The following GALNTL6 variants were observed in gnomAD, a reference collection of about 807,000 sequenced individuals.
GALNTL6 encodes polypeptide N-acetylgalactosaminyltransferase-like 6.
Under a neutral mutation model 73.7 loss-of-function variants are expected in GALNTL6, and 46 were observed. That is an observed-to-expected ratio of 0.62 (90% CI 0.49 to 0.80). The LOEUF is 0.80. Ranked by LOEUF, GALNTL6 falls within the 30% of genes least tolerant of loss-of-function variation. The pLI, the probability that GALNTL6 is intolerant of heterozygous loss-of-function variation, is 0.00. For missense variants in GALNTL6, 604 were observed against 755.0 expected (o/e 0.80, Z 2.34); for synonymous variants, 259 against 263.7 (o/e 0.98, Z 0.17).
chr4:172,723,012 G>A (rs1214662773), intron 5 of GALNTL6, among the ~76,000 whole-genome samples: 1 of 152,118 alleles, frequency 6.6e-6, no homozygotes, highest in Non-Finnish European at 1.5e-5. Context: ...GGCTTAGGAG[G>A]ATAATCCATT....
rs374940937 is a variant in GALNTL6 at position 171,992,646 on chromosome 4, T to G, written c.138+177928T>G. 1.5e-3 allele frequency among the ~76,000 whole-genome samples: 231 copies of G among 152,200 alleles called. 2 individuals are homozygous for G. The South Asian group carries it at 0.016, about 11-fold the overall frequency. ...CAAAAGTGATTTCTCAAAAGACAAC[T>G]GCTATATTTTAAAAAATAAAATCTT... On this transcript the variant is annotated intron_variant, in intron 2 of 12. Coordinates refer to ENST00000506823, the MANE Select transcript of GALNTL6 (RefSeq NM_001034845.3).
chr4:172,428,101 A>G (rs1731296405), intron 5 of GALNTL6, among the ~76,000 whole-genome samples: 2 of 152,170 alleles, frequency 1.3e-5, no homozygotes, highest in South Asian at 4.1e-4. Flanking sequence ...AGCATACATC[A>G]TTTATGATGT....
intron 2 of GALNTL6, among the ~76,000 whole-genome samples, chr4:171,881,119 T>C (rs914618565): frequency 2.6e-5 from 4 of 152,160 alleles, no homozygotes; most frequent in African/African-American, 7.2e-5. Context: ...CTGATGCCCC[T>C]AGCCTTGCAA....
chr4:172,253,972 A>G (rs1249155071), intron 3 of GALNTL6, among the ~76,000 whole-genome samples: 1 of 151,850 alleles, frequency 6.6e-6, no homozygotes, highest in African/African-American at 2.4e-5. Context: ...ACTAATGGGC[A>G]CTAAAATATG....
At chr4:172,950,830 G>A (rs535434262) in intron 9 of GALNTL6, among the ~76,000 whole-genome samples, 2 of 152,152 alleles carry the variant, frequency 1.3e-5, no homozygotes, top group African/African-American at 2.4e-5. Context: ...AACAGGAGTG[G>A]GTCAATGCTC....
chr4:172,280,473 A>C (rs954162254), intron 3 of GALNTL6, among the ~76,000 whole-genome samples: 121 of 152,192 alleles, frequency 8.0e-4, no homozygotes, highest in African/African-American at 2.8e-3. Context: ...CAGTTGGTAT[A>C]GAGAAATTTT....
intron 2 of GALNTL6, among the ~76,000 whole-genome samples, chr4:171,934,462 G>T (rs1034871046): frequency 6.6e-6 from 1 of 152,118 alleles, no homozygotes; most frequent in African/African-American, 2.4e-5. Flanking sequence ...CATGCAGGCT[G>T]CAGTGCAGTG....
At chr4:172,231,200 C>T (rs972587239) in intron 3 of GALNTL6, among the ~76,000 whole-genome samples, 1 of 152,096 alleles carries the variant, frequency 6.6e-6, no homozygotes, top group African/African-American at 2.4e-5. Context: ...GCTTGATCAA[C>T]CCTATATTAA....
intron 2 of GALNTL6, among the ~76,000 whole-genome samples, chr4:172,226,638 C>T (rs1736879145): frequency 6.7e-6 from 1 of 150,262 alleles, no homozygotes; most frequent in Non-Finnish European, 1.5e-5. Context: ...CAGAGACATC[C>T]TTTCTGGAGC....
At chr4:172,692,451 C>G (rs768806191) in intron 5 of GALNTL6, among the ~76,000 whole-genome samples, 26 of 152,046 alleles carry the variant, frequency 1.7e-4, no homozygotes, top group Non-Finnish European at 3.4e-4. Context: ...AAGTTGTACT[C>G]ATATCAGAGA....
intron 5 of GALNTL6, among the ~76,000 whole-genome samples, chr4:172,633,783 G>T (rs2111102614): frequency 6.6e-6 from 1 of 152,280 alleles, no homozygotes; most frequent in African/African-American, 2.4e-5. Context: ...GACAGGGCCG[G>T]GTGGAGATGA....
chr4:172,376,120 T>G (rs1198621319), intron 5 of GALNTL6, among the ~76,000 whole-genome samples: 1 of 152,206 alleles, frequency 6.6e-6, no homozygotes, highest in Non-Finnish European at 1.5e-5. Flanking sequence ...AAAAATTGTG[T>G]CCTTCTGATT....
chr4:171,880,102 T>C (rs1412883576), intron 2 of GALNTL6, among the ~76,000 whole-genome samples: 1 of 152,118 alleles, frequency 6.6e-6, no homozygotes, highest in Non-Finnish European at 1.5e-5. Context: ...TAAGGTAAAA[T>C]TCTAAAAAGG....
chr4:171,989,240 T>C (rs1451905919), intron 2 of GALNTL6, among the ~76,000 whole-genome samples: 1 of 152,086 alleles, frequency 6.6e-6, no homozygotes, highest in Non-Finnish European at 1.5e-5. Flanking sequence ...TACTCAAAGC[T>C]TGGTGTCCGT....
At chr4:172,854,000 C>G (rs1225067042) in intron 7 of GALNTL6, among the ~76,000 whole-genome samples, 1 of 152,168 alleles carries the variant, frequency 6.6e-6, no homozygotes, top group African/African-American at 2.4e-5. Flanking sequence ...AAACTGCTCT[C>G]CAGGCATTCA....
intron 5 of GALNTL6, among the ~76,000 whole-genome samples, chr4:172,463,633 A>G (rs1303189504): frequency 1.3e-5 from 2 of 152,204 alleles, no homozygotes; most frequent in African/African-American, 2.4e-5. Context: ...AGAGAGATAC[A>G]TACAAAATAA....
intron 2 of GALNTL6, among the ~76,000 whole-genome samples, chr4:172,159,447 C>T (rs760634745): frequency 1.3e-5 from 2 of 152,152 alleles, no homozygotes; most frequent in Non-Finnish European, 2.9e-5. Flanking sequence ...GAGAATAATA[C>T]TAGAAAAGTT....
intron 2 of GALNTL6, among the ~76,000 whole-genome samples, chr4:172,149,455 T>C (rs1211472349): frequency 6.6e-6 from 1 of 152,090 alleles, no homozygotes; most frequent in East Asian, 1.9e-4. Flanking sequence ...CTAGGTCCCT[T>C]TTCTCCTCTG....
chr4:171,953,933 A>C (rs1230502949), intron 2 of GALNTL6, among the ~76,000 whole-genome samples: 2 of 151,960 alleles, frequency 1.3e-5, no homozygotes, highest in Admixed American at 6.5e-5. Context: ...GAAAAATTTA[A>C]ACAAATCTTA....
Sources: gnomAD v4.1 joint callset for allele counts (sites outside exome capture counted in the v4.1 genomes callset) on GRCh38, gnomAD v4.1.1 for gene constraint, MANE v1.5 for transcripts, NCBI Gene and HGNC (gene_info 2026-07-23, HGNC 2026-07-21) for gene names.